The following ATP13A4 variants were observed in gnomAD, a reference collection of about 807,000 sequenced individuals.
ATP13A4 encodes the protein ATPase 13A4.
In ATP13A4, 114 loss-of-function variants were observed where a neutral mutation model predicts 142.5. The ratio of observed to expected loss-of-function variants is 0.80; its 90% confidence interval spans 0.69 to 0.93. The LOEUF (loss-of-function observed/expected upper bound fraction) is 0.93. Ranked by LOEUF, ATP13A4 falls within the 40% of genes least tolerant of loss-of-function variation. The pLI is 0.00. For missense variants in ATP13A4, 1,392 were observed against 1,454.0 expected, an observed-to-expected ratio of 0.96 and a Z score of 0.69; for synonymous variants, 488 against 514.8, an observed-to-expected ratio of 0.95 and a Z score of 0.70.
intron 7 of ATP13A4, among the ~76,000 whole-genome samples, chr3:193,488,473 C>T (rs528539646): frequency 1.5e-4 from 23 of 152,058 alleles, no homozygotes; most frequent in African/African-American, 5.1e-4. Flanking sequence ...CTCTTTTGTT[C>T]GGTTTGAATT....
At chr3:193,571,114 C>A (rs563598344) in intron 2 of ATP13A4, among the ~76,000 whole-genome samples, 1 of 151,976 alleles carries the variant, frequency 6.6e-6, no homozygotes, top group Non-Finnish European at 1.5e-5. Context: ...CCCGTCTCTA[C>A]TAAAAATACA....
At chr3:193,406,957 G>A (rs1714528357) in intron 29 of ATP13A4, among the ~76,000 whole-genome samples, 1 of 152,152 alleles carries the variant, frequency 6.6e-6, no homozygotes, top group Non-Finnish European at 1.5e-5. Flanking sequence ...CTCAGTGAGT[G>A]CACTAAACAC....
rs28651792 is a variant in ATP13A4 at position 193,582,706 on chromosome 3, A to T, written n.92-800T>A. On this transcript the variant is annotated intron_variant and non_coding_transcript_variant, in intron 1 of 3. Transcript: ENST00000489140. ...ATTATATATGTGTATAACATATATA[A>T]TATATATGTATATTACATATATAAA... 3.3e-4 allele frequency among the ~76,000 whole-genome samples: 13 copies of T among 39,064 alleles called. 3 individuals are homozygous for T. The highest frequency in any genetic ancestry group is 3.3e-3 in the Admixed American group (9 of 2,732). 25.6% of individuals were successfully genotyped at this position (39,064 alleles called of 152,430 possible). A position where few individuals can be genotyped will look rare whatever the true frequency, so the allele number is the denominator to read the frequency against.
intron 8 of ATP13A4, among the ~76,000 whole-genome samples, chr3:193,481,649 T>C (rs1467652561): frequency 1.3e-5 from 2 of 152,184 alleles, no homozygotes; most frequent in African/African-American, 4.8e-5. Flanking sequence ...TGGTATTTTC[T>C]TGGCAAAGAA....
chr3:193,513,838 C>T (rs758183874), intron 2 of ATP13A4, among the ~76,000 whole-genome samples: 8 of 152,176 alleles, frequency 5.3e-5, no homozygotes, highest in Non-Finnish European at 1.0e-4. Context: ...AGTGATGCTC[C>T]CCACCCCTTC....
rs79104105 is a variant in ATP13A4 at position 193,575,387 on chromosome 3, C to T, written n.291+6320G>A. On this transcript the variant is annotated intron_variant and non_coding_transcript_variant, in intron 2 of 3. Coordinates refer to the ATP13A4 transcript ENST00000489140. Reference sequence around the variant, plus strand: ...AGCCCATTAGGAGTAGAAGGTGAGACCCTAGGGGATGAGTTGACAAAGAGA... The same window carrying T: ...AGCCCATTAGGAGTAGAAGGTGAGATCCTAGGGGATGAGTTGACAAAGAGA... 2.9e-3 allele frequency among the ~76,000 whole-genome samples: 439 copies of T among 152,178 alleles called. 3 individuals carry two copies. The highest frequency in any genetic ancestry group is 0.017 in the South Asian group (80 of 4,808).
intron 1 of ATP13A4, among the ~76,000 whole-genome samples, chr3:193,585,075 G>T (rs1724642700): frequency 6.6e-6 from 1 of 152,126 alleles, no homozygotes; most frequent in Non-Finnish European, 1.5e-5. Flanking sequence ...GGATGGCTTT[G>T]AATGCAGCTG....
chr3:193,556,064 G>A (rs965360425), upstream of ATP13A4, among the ~76,000 whole-genome samples: 1 of 152,120 alleles, frequency 6.6e-6, no homozygotes, highest in Non-Finnish European at 1.5e-5. Flanking sequence ...CACTAAATTT[G>A]GAAGGCCTGA....
rs1719978085 is a variant in ATP13A4 at position 193,492,122 on chromosome 3, T to C, written c.534-724A>G. On this transcript the variant is annotated intron_variant, in intron 5 of 29. Transcript: ENST00000342695. ...TTATATAGATCATGTGGTGATATTG[T>C]TAAAATGAAGATTCTGATTCAATGG... is the stretch of plus-strand genomic sequence containing the variant. Among the ~76,000 whole-genome samples, 8 of 152,298 alleles carry C rather than the reference T, an allele frequency of 5.3e-5. 1 individual carries two copies. The South Asian group carries it at 1.7e-3, about 32-fold the overall frequency.
At chr3:193,446,362 G>A (rs1182339138) in intron 18 of ATP13A4, among the ~76,000 whole-genome samples, 2 of 151,890 alleles carry the variant, frequency 1.3e-5, no homozygotes, top group African/African-American at 2.4e-5. Context: ...CTCCCACTCC[G>A]ATCTCTTCTT....
At chr3:193,493,963 T>C (rs1473115419) in intron 3 of ATP13A4, among the ~76,000 whole-genome samples, 2 of 151,642 alleles carry the variant, frequency 1.3e-5, no homozygotes, top group African/African-American at 4.8e-5. Context: ...TCCATGAAAA[T>C]GGAAACCAGA....
At chr3:193,555,445 T>C (rs1195443941), upstream of ATP13A4, among the ~76,000 whole-genome samples, 1 of 152,232 alleles carries the variant, frequency 6.6e-6, no homozygotes, top group Non-Finnish European at 1.5e-5. Flanking sequence ...TTAAAGTGTA[T>C]GTGAAATTAA....
At chr3:193,516,061 T>C (rs145372395) in intron 1 of ATP13A4, among the ~76,000 whole-genome samples, 225 of 152,360 alleles carry the variant, frequency 1.5e-3, no homozygotes, top group African/African-American at 5.3e-3. Context: ...CACATGTCTC[T>C]GAAATAGACC....
intron 1 of ATP13A4, among the ~76,000 whole-genome samples, chr3:193,530,010 C>T (rs1429267065): frequency 6.6e-6 from 1 of 152,156 alleles, no homozygotes; most frequent in Non-Finnish European, 1.5e-5. Flanking sequence ...CATGGCACCC[C>T]AGTTGGGTTG....
rs1052734864 is a variant in ATP13A4, at chr3:193,401,568, G to T, written c.*1084C>A. 1.3e-5 allele frequency among the ~76,000 whole-genome samples: 2 copies of T among 152,318 alleles called. No individual in the cohort carries two copies. The highest frequency in any genetic ancestry group is 4.8e-5 in the African/African-American group (2 of 41,580). On this transcript the variant is annotated 3_prime_UTR_variant, in exon 30 of 30. Transcript: ENST00000342695. ...GGATAAGTTACTGGGGTTAGGAAAAGTGGGCTGTAGTGGACAGCACTCGTG... is the reference window on the plus strand; with the variant it reads ...GGATAAGTTACTGGGGTTAGGAAAATTGGGCTGTAGTGGACAGCACTCGTG...
intron 1 of ATP13A4, among the ~76,000 whole-genome samples, chr3:193,582,589 A>G (rs1164036329): frequency 7.6e-6 from 1 of 130,938 alleles, no homozygotes; most frequent in African/African-American, 2.9e-5. Context: ...TATTACATAT[A>G]TTATATATGT....
At position 193,457,426 on chromosome 3, in the gene ATP13A4, C is replaced by T; in HGVS notation, c.1714G>A (p.Val572Met). ...FSGDDFHIKGVPAHAMVVKPC... is the reference protein window; with the variant it reads ...FSGDDFHIKGMPAHAMVVKPC... ...TTAACTACCATGGCATGTGCCGGCA[C>T]TCCCTTGATGTGGAAATCGTCCCCA... The change falls in exon 15 of 30, where the codon GTG (valine) becomes ATG (methionine). Residue 572 changes from valine (V) to methionine (M), a missense_variant. By Grantham distance (21) the Val-to-Met change is conservative. Coordinates refer to ENST00000342695, the MANE Select transcript of ATP13A4 (RefSeq NM_032279.4). 6.2e-7 allele frequency: 1 copy of T among 1,614,216 alleles called. No homozygotes were observed. Among genetic ancestry groups the T allele is most frequent in the Non-Finnish European group, 8.5e-7 (1 of 1,180,030 alleles).
chr3:193,402,995 G>T, intron 29 of ATP13A4, 131 bp from the exon 30 acceptor site: 1 of 829,166 alleles, frequency 1.2e-6, no homozygotes, highest in Non-Finnish European at 2.0e-6. Context: ...TTGACCACTG[G>T]ACCAATCTAA....
chr3:193,580,894 T>C (rs1330158406), intron 2 of ATP13A4, among the ~76,000 whole-genome samples: 2 of 152,188 alleles, frequency 1.3e-5, no homozygotes, highest in African/African-American at 4.8e-5. Flanking sequence ...AAAAGCAGTG[T>C]TGTGCTGCTC....
Sources: gnomAD v4.1 joint callset for allele counts (sites outside exome capture counted in the v4.1 genomes callset) on GRCh38, gnomAD v4.1.1 for gene constraint, MANE v1.5 for transcripts, NCBI Gene and HGNC (gene_info 2026-07-23, HGNC 2026-07-21) for gene names.